ARHGAP22: variants seen among roughly 807,000 people sequenced by gnomAD.
ARHGAP22 encodes the protein rho GTPase-activating protein 22.
Under a neutral mutation model 59.1 loss-of-function variants are expected in ARHGAP22, and 48 were observed. The observed-to-expected ratio is 0.81, with a 90% confidence interval of 0.64 to 1.03. The LOEUF (loss-of-function observed/expected upper bound fraction) is 1.03, where lower values mean the gene tolerates loss of function less well. Ranked by LOEUF, ARHGAP22 falls within the 50% of genes least tolerant of loss-of-function variation. ARHGAP22 has a pLI of 0.00. For synonymous variants in ARHGAP22, 445 were observed against 416.4 expected, an observed-to-expected ratio of 1.07 and a Z score of -0.84; for missense variants, 1,015 against 958.7, an observed-to-expected ratio of 1.06 and a Z score of -0.78.
intron 1 of ARHGAP22, among the ~76,000 whole-genome samples, chr10:48,593,043 G>A (rs1346732056): frequency 2.6e-5 from 4 of 152,164 alleles, no homozygotes; most frequent in South Asian, 2.1e-4. Flanking sequence ...TGTCCTGGCC[G>A]CACTGTCTCC....
At chr10:48,536,539 G>A (rs2055376398) in intron 3 of ARHGAP22, among the ~76,000 whole-genome samples, 1 of 152,196 alleles carries the variant, frequency 6.6e-6, no homozygotes, top group Non-Finnish European at 1.5e-5. Context: ...AACCTCCAGT[G>A]CCTCTGTTTC....
intron 1 of ARHGAP22, among the ~76,000 whole-genome samples, chr10:48,643,495 T>C (rs1454524522): frequency 6.6e-6 from 1 of 151,322 alleles, no homozygotes; most frequent in Admixed American, 6.6e-5. Flanking sequence ...CAGCAAACTA[T>C]TGCAAGCACA....
intron 4 of ARHGAP22, among the ~76,000 whole-genome samples, chr10:48,479,382 C>T (rs2049050527): frequency 6.6e-6 from 1 of 152,170 alleles, no homozygotes; most frequent in Non-Finnish European, 1.5e-5. Context: ...TCATGAATTC[C>T]TCACCCCTGG....
At chr10:48,514,436 T>G (rs894878661) in intron 3 of ARHGAP22, among the ~76,000 whole-genome samples, 1 of 152,088 alleles carries the variant, frequency 6.6e-6, no homozygotes. Flanking sequence ...CAGAACAACA[T>G]TTTCAAAATA....
At chr10:48,612,185 GC>G (rs1426408056) in intron 1 of ARHGAP22, among the ~76,000 whole-genome samples, 1 of 151,904 alleles carries the variant, frequency 6.6e-6, no homozygotes, top group Non-Finnish European at 1.5e-5. Context: ...CCTCATTGGT[GC>G]TTTTTTCCAA....
At chr10:48,563,071 G>A (rs73300223) in intron 2 of ARHGAP22, among the ~76,000 whole-genome samples, 15,134 of 151,698 alleles carry the variant, frequency 0.1, 1,186 homozygotes, top group African/African-American at 0.22. Context: ...CACCATCTTC[G>A]AAGCCAGCAG....
At chr10:48,443,564 G>C (rs1045430039), downstream of ARHGAP22, among the ~76,000 whole-genome samples, 1 of 152,086 alleles carries the variant, frequency 6.6e-6, no homozygotes, top group Non-Finnish European at 1.5e-5. Context: ...CAGGAGTAAG[G>C]AGACACAGCA....
intron 3 of ARHGAP22, among the ~76,000 whole-genome samples, chr10:48,480,503 C>T (rs1167156052): frequency 6.6e-6 from 1 of 152,184 alleles, no homozygotes; most frequent in Non-Finnish European, 1.5e-5. Context: ...ATACATCCTA[C>T]CCCCCGACAT....
chr10:48,519,160 C>T (rs372435886), intron 3 of ARHGAP22, among the ~76,000 whole-genome samples: 3 of 152,148 alleles, frequency 2.0e-5, no homozygotes, highest in African/African-American at 4.8e-5. Context: ...TGTGGCTCCC[C>T]GAATGCTGCA....
chr10:48,468,931 T>G (rs1022295307), intron 4 of ARHGAP22, among the ~76,000 whole-genome samples: 1 of 152,060 alleles, frequency 6.6e-6, no homozygotes, highest in Non-Finnish European at 1.5e-5. Flanking sequence ...ATGTCTGCCC[T>G]CCACCTACCA....
intron 1 of ARHGAP22, among the ~76,000 whole-genome samples, chr10:48,587,231 C>G (rs1024470323): frequency 1.3e-5 from 2 of 152,230 alleles, no homozygotes; most frequent in Non-Finnish European, 2.9e-5. Flanking sequence ...TTGAGCAGGG[C>G]TGGATTCAGC....
Position 48,566,322 on chromosome 10 carries a change from A to C in ARHGAP22, c.235-10772T>G, listed in dbSNP as rs1439909588. On this transcript the variant is annotated intron_variant, in intron 2 of 9. Coordinates refer to ENST00000249601, the MANE Select transcript of ARHGAP22 (RefSeq NM_021226.4). Reference sequence around the variant, plus strand: ...CACCTGACACCCAACCAGGAACTGAATGTCTCTGAGTTGTACATAAATAAT... The same window carrying C: ...CACCTGACACCCAACCAGGAACTGACTGTCTCTGAGTTGTACATAAATAAT... Among the ~76,000 whole-genome samples the C allele has an allele frequency of 3.3e-5, 5 of 152,128 alleles. No homozygotes were observed. The East Asian group carries it at 9.6e-4, about 29-fold the overall frequency.
intron 3 of ARHGAP22, among the ~76,000 whole-genome samples, chr10:48,547,524 C>T (rs2056549839): frequency 6.6e-6 from 1 of 152,190 alleles, no homozygotes; most frequent in Admixed American, 6.5e-5. Context: ...GTCTCCTGAC[C>T]CTGATCTTGA....
chr10:48,570,940 G>T (rs2058357903), intron 2 of ARHGAP22, among the ~76,000 whole-genome samples: 1 of 152,220 alleles, frequency 6.6e-6, no homozygotes, highest in African/African-American at 2.4e-5. Context: ...CCCTGCTCTG[G>T]CCAGACCTCC....
intron 1 of ARHGAP22, among the ~76,000 whole-genome samples, chr10:48,602,273 G>A (rs1397747885): frequency 6.6e-6 from 1 of 152,106 alleles, no homozygotes; most frequent in African/African-American, 2.4e-5. Flanking sequence ...CAAGGCTCCT[G>A]AGACATTGAC....
chr10:48,525,782 A>G (rs1178305947), intron 3 of ARHGAP22, among the ~76,000 whole-genome samples: 2 of 152,188 alleles, frequency 1.3e-5, no homozygotes, highest in Admixed American at 6.5e-5. Flanking sequence ...AGAAAAATAT[A>G]TGGGAGGAAA....
intron 3 of ARHGAP22, among the ~76,000 whole-genome samples, chr10:48,485,383 C>T (rs3954045): frequency 0.95 from 143,990 of 152,228 alleles, 68,643 homozygotes; most frequent in East Asian, 1. Context: ...TTTAGAAGTG[C>T]GTTAGTTTCC....
chr10:48,463,623 G>A (rs556097898), intron 4 of ARHGAP22, among the ~76,000 whole-genome samples: 4 of 152,256 alleles, frequency 2.6e-5, no homozygotes, highest in East Asian at 3.9e-4. Context: ...TTTCCTCTTC[G>A]GTCTGGGCAA....
intron 4 of ARHGAP22, among the ~76,000 whole-genome samples, chr10:48,462,297 G>A (rs1350164223): frequency 2.0e-5 from 3 of 151,676 alleles, no homozygotes; most frequent in African/African-American, 4.9e-5. Context: ...AGCTACACAC[G>A]GTGTTGTGGT....
Sources: allele counts gnomAD v4.1 joint callset (sites outside exome capture counted in the v4.1 genomes callset), GRCh38; gene constraint gnomAD v4.1.1; transcripts MANE v1.5; gene names NCBI Gene and HGNC (gene_info 2026-07-23, HGNC 2026-07-21).